SPIDR: variants seen among roughly 807,000 people sequenced by gnomAD.
SPIDR encodes scaffold protein involved in DNA repair.
SPIDR carries 93 observed loss-of-function variants against 104.6 expected under a neutral mutation model. That is an observed-to-expected ratio of 0.89 (90% confidence interval 0.75 to 1.06). SPIDR has a LOEUF of 1.06. SPIDR is among the 50% of genes least tolerant of loss of function. SPIDR has a pLI of 0.00. For missense variants in SPIDR, 1,154 were observed against 1,111.2 expected (o/e 1.04, Z -0.55); for synonymous variants, 431 against 416.9 (o/e 1.03, Z -0.41).
At chr8:47,468,743 A>G (rs1360644861) in intron 8 of SPIDR, among the ~76,000 whole-genome samples, 5 of 152,226 alleles carry the variant, frequency 3.3e-5, no homozygotes, top group Admixed American at 2.6e-4. Flanking sequence ...GCTGCAAGAC[A>G]ACCCAGGCAG....
chr8:47,631,466 C>T (rs936572444), intron 10 of SPIDR, among the ~76,000 whole-genome samples: 2 of 152,176 alleles, frequency 1.3e-5, no homozygotes, highest in Non-Finnish European at 2.9e-5. Flanking sequence ...TAAATGAATT[C>T]TAAAACCACA....
intron 8 of SPIDR, among the ~76,000 whole-genome samples, chr8:47,464,271 C>T (rs183916586): frequency 1.4e-4 from 22 of 152,122 alleles, no homozygotes; most frequent in African/African-American, 4.3e-4. Flanking sequence ...TAAACAGTAT[C>T]GACTACAATA....
rs1554717437 is a variant in SPIDR at position 47,466,900 on chromosome 8, A to ATATAT, written c.1097+26358_1097+26359insTATAT. On this transcript the variant is annotated intron_variant, in intron 8 of 19. Transcript: ENST00000297423. ...TTAGTTTTTTTTGAAAAAAAAAAAA[A>ATATAT]ATATATATATATATAGATAGATAGA... Among the ~76,000 whole-genome samples the ATATAT allele has an allele frequency of 6.8e-3, 778 of 114,322 alleles. 19 individuals carry two copies. The highest frequency in any genetic ancestry group is 0.014 in the East Asian group (53 of 3,908). 75.0% of individuals were successfully genotyped at this position (114,322 alleles called of 152,430 possible).
At chr8:47,383,633 A>G (rs1412331802) in intron 5 of SPIDR, among the ~76,000 whole-genome samples, 1 of 152,196 alleles carries the variant, frequency 6.6e-6, no homozygotes, top group Non-Finnish European at 1.5e-5. Flanking sequence ...TCATCATTCT[A>G]AGAAAATAGA....
chr8:47,524,691 A>G (rs2084705371), intron 8 of SPIDR, among the ~76,000 whole-genome samples: 1 of 152,356 alleles, frequency 6.6e-6, no homozygotes, highest in South Asian at 2.1e-4. Context: ...ATATTAAGTT[A>G]TTCAAGTGAC....
chr8:47,586,456 GT>G (rs1429741524), intron 8 of SPIDR, among the ~76,000 whole-genome samples: 1 of 152,178 alleles, frequency 6.6e-6, no homozygotes, highest in Non-Finnish European at 1.5e-5. Flanking sequence ...CCTCACTGTG[GT>G]TTTAATGTGC....
chr8:47,303,428 G>A (rs142064113), intron 5 of SPIDR, among the ~76,000 whole-genome samples: 4 of 152,230 alleles, frequency 2.6e-5, no homozygotes, highest in Admixed American at 6.5e-5. Flanking sequence ...TTCGGCTTAC[G>A]CTGGGTGCAC....
At chr8:47,262,536 A>G (rs532164199) in intron 1 of SPIDR, among the ~76,000 whole-genome samples, 2 of 152,214 alleles carry the variant, frequency 1.3e-5, no homozygotes, top group Non-Finnish European at 2.9e-5. Flanking sequence ...TCCAGTTCCA[A>G]GCTCACTCAC....
At chr8:47,564,337 A>G (rs974068824) in intron 8 of SPIDR, among the ~76,000 whole-genome samples, 2 of 151,924 alleles carry the variant, frequency 1.3e-5, no homozygotes, top group East Asian at 2.0e-4. Flanking sequence ...TCAGCCTCCC[A>G]AAGTGCTGGG....
chr8:47,636,474 T>C (rs978369640), intron 10 of SPIDR, among the ~76,000 whole-genome samples: 4 of 152,162 alleles, frequency 2.6e-5, no homozygotes, highest in African/African-American at 9.7e-5. Context: ...TTAAGCTTAG[T>C]GGGGAAGGCA....
intron 7 of SPIDR, among the ~76,000 whole-genome samples, chr8:47,425,328 A>G (rs782630669): frequency 3.9e-5 from 6 of 152,064 alleles, no homozygotes; most frequent in Non-Finnish European, 8.8e-5. Context: ...CTAAAGATAC[A>G]CTGTGAATAA....
intron 5 of SPIDR, among the ~76,000 whole-genome samples, chr8:47,342,078 TAAA>T (rs1488906302): frequency 1.3e-5 from 2 of 152,188 alleles, no homozygotes; most frequent in Non-Finnish European, 2.9e-5. Flanking sequence ...AGGAAACTGT[TAAA>T]GAAGTCTAAC....
intron 2 of SPIDR, among the ~76,000 whole-genome samples, chr8:47,283,514 A>G (rs1236287350): frequency 6.6e-6 from 1 of 152,248 alleles, no homozygotes; most frequent in Non-Finnish European, 1.5e-5. Flanking sequence ...ACAAGTTTAT[A>G]GGTGAGCAGA....
intron 7 of SPIDR, chr8:47,419,051 T>C (rs2154332371): frequency 6.6e-6 from 1 of 152,090 alleles, no homozygotes; most frequent in South Asian, 2.1e-4. Flanking sequence ...TGCATCGATG[T>C]TCCTCAGGGA....
Position 47,407,885 on chromosome 8 carries a change from T to C in SPIDR, c.801T>C (p.Asn267=). 1.9e-6 allele frequency: 3 copies of C among 1,601,942 alleles called. 1 individual carries two copies. The South Asian group carries it at 3.3e-5, about 18-fold the overall frequency. Residue 267 remains asparagine (N), a synonymous_variant, in exon 7 of 20, where the codon AAT becomes AAC. Coordinates refer to ENST00000297423, the MANE Select transcript of SPIDR (RefSeq NM_001080394.4). The part of the protein sequence containing the change: ...LLRGGLAERL[N]GLQNRERSAI... ...GAGGTGGACTAGCAGAAAGACTAAA[T>C]GGACTGCAGAATCGAGAGAGATCTG...
intron 10 of SPIDR, among the ~76,000 whole-genome samples, chr8:47,604,520 A>C (rs2062704636): frequency 6.6e-6 from 1 of 152,234 alleles, no homozygotes; most frequent in South Asian, 2.1e-4. Context: ...CGCAGGAAGC[A>C]GCTACTGCCG....
chr8:47,512,931 G>A (rs2082582242), intron 8 of SPIDR, among the ~76,000 whole-genome samples: 1 of 152,090 alleles, frequency 6.6e-6, no homozygotes, highest in South Asian at 2.1e-4. Context: ...AAGAATTATG[G>A]AAAAACGACT....
chr8:47,297,985 G>A (rs2041217741), intron 5 of SPIDR, among the ~76,000 whole-genome samples: 1 of 152,286 alleles, frequency 6.6e-6, no homozygotes, highest in East Asian at 1.9e-4. Context: ...TAATGGGATG[G>A]CTGGGTCAAA....
intron 5 of SPIDR, among the ~76,000 whole-genome samples, chr8:47,321,567 C>T (rs932285140): frequency 4.9e-4 from 74 of 152,304 alleles, no homozygotes; most frequent in African/African-American, 1.7e-3. Flanking sequence ...CTACCAATGA[C>T]TTTCTGCACA....
Sources: gnomAD v4.1 joint callset for allele counts (sites outside exome capture counted in the v4.1 genomes callset) on GRCh38, gnomAD v4.1.1 for gene constraint, MANE v1.5 for transcripts, NCBI Gene and HGNC (gene_info 2026-07-23, HGNC 2026-07-21) for gene names.